The following NLRC4 variants were observed in gnomAD, a reference collection of about 807,000 sequenced individuals.
NLRC4 encodes the protein NLR family CARD domain containing 4.
Under a neutral mutation model 79.9 loss-of-function variants are expected in NLRC4, and 63 were observed. The observed-to-expected ratio is 0.79, with a 90% CI of 0.64 to 0.97. The LOEUF is 0.97. Ranked by LOEUF, NLRC4 falls within the 50% of genes least tolerant of loss-of-function variation. NLRC4 has a pLI of 0.00. For missense variants in NLRC4, 1,074 were observed against 1,215.2 expected (o/e 0.88, Z 1.73); for synonymous variants, 461 against 456.5 (o/e 1.01, Z -0.12).
chr2:32,232,998 G>A (rs939660899), intron 8 of NLRC4, among the ~76,000 whole-genome samples: 7 of 151,788 alleles, frequency 4.6e-5, no homozygotes, highest in Non-Finnish European at 7.4e-5. Context: ...TCTAGTCCCA[G>A]CTACTTGGGT....
intron 4 of NLRC4, among the ~76,000 whole-genome samples, chr2:32,243,190 C>T (rs1475380455): frequency 2.0e-5 from 3 of 151,960 alleles, no homozygotes; most frequent in Non-Finnish European, 4.4e-5. Flanking sequence ...GCAGGCAAAT[C>T]ACGAGGTCAG....
intron 4 of NLRC4, 65 bp from the exon 5 acceptor site, chr2:32,241,190 T>G: frequency 1.1e-6 from 1 of 951,404 alleles, no homozygotes; most frequent in South Asian, 1.4e-5. Flanking sequence ...TCATTTACTA[T>G]TACTGTCATT....
At chr2:32,244,691 A>G (rs1686888663) in intron 4 of NLRC4, among the ~76,000 whole-genome samples, 1 of 152,168 alleles carries the variant, frequency 6.6e-6, no homozygotes, top group South Asian at 2.1e-4. Flanking sequence ...AAACCCTTCT[A>G]AAACTGGCTG....
At chr2:32,244,020 C>T (rs976656365) in intron 4 of NLRC4, among the ~76,000 whole-genome samples, 1 of 152,128 alleles carries the variant, frequency 6.6e-6, no homozygotes, top group South Asian at 2.1e-4. Flanking sequence ...GAGGCCCAGG[C>T]GGGAAAATCT....
chr2:32,233,349 A>ATATATATATATATTT (rs1418146489), intron 8 of NLRC4, among the ~76,000 whole-genome samples: 10 of 41,094 alleles, frequency 2.4e-4, no homozygotes, highest in Admixed American at 3.9e-4. Flanking sequence ...ATATATATAT[A>ATATATATATATATTT]TTTTTTTTTT....
chr2:32,246,868 T>C (rs1686949632), intron 4 of NLRC4, among the ~76,000 whole-genome samples: 1 of 152,212 alleles, frequency 6.6e-6, no homozygotes, highest in Admixed American at 6.5e-5. Flanking sequence ...TGAAAATTCC[T>C]GGGCTCAAGT....
In NLRC4 at chr2:32,251,350, C is replaced by A; in HGVS notation, c.514G>T (p.Gly172Cys). The A allele has an allele frequency of 6.2e-7, 1 of 1,614,126 alleles. No individual in the cohort carries two copies. The highest frequency in any genetic ancestry group is 8.5e-7 in the Non-Finnish European group (1 of 1,180,024). Reference protein sequence around the residue: ...QSPCIIEGESGKGKSTLLQRI... With the variant: ...QSPCIIEGESCKGKSTLLQRI... The stretch of plus-strand genomic sequence containing the variant: ...TGCAGCAGAGTGGACTTGCCTTTGC[C>A]AGATTCCCCTTCAATGATGCAGGGG... The change falls in exon 4 of 9, where the codon GGC (glycine) becomes TGC (cysteine). Residue 172 changes from glycine (G) to cysteine (C), a missense_variant. Physicochemically the swap from Gly to Cys is radical, Grantham distance 159 (BLOSUM62 -3). Coordinates refer to ENST00000402280, the MANE Select transcript of NLRC4 (RefSeq NM_001199138.2).
chr2:32,251,092 A>G lies in NLRC4; in HGVS notation c.772T>C (p.Cys258Arg), dbSNP rs916856506. The G allele has an allele frequency of 1.9e-5, 30 of 1,613,994 alleles. No individual in the cohort carries two copies. Among genetic ancestry groups the G allele is most frequent in the Non-Finnish European group, 2.0e-5 (24 of 1,180,020 alleles). Residue 258 changes from cysteine (C) to arginine (R), a missense_variant, in exon 4 of 9, where the codon TGC (cysteine) becomes CGC (arginine). Physicochemically the swap from Cys to Arg is radical, Grantham distance 180 (BLOSUM62 -3). Transcript: ENST00000402280. ...TTTATCAGGGCTTCGATTTCTGGGC[A>G]GTTCTGGGGCTTGAATTCATTGTAG... is the stretch of plus-strand genomic sequence containing the variant. ...DGYNEFKPQNCPEIEALIKEN... is the reference protein window; with the variant it reads ...DGYNEFKPQNRPEIEALIKEN...
chr2:32,236,215 G>T (rs1416692364), intron 7 of NLRC4, 32 bp downstream of exon 7: 3 of 1,351,928 alleles, frequency 2.2e-6, no homozygotes, highest in African/African-American at 1.5e-5. Context: ...ACATATTCAA[G>T]TATCTAATTT....
At chr2:32,264,659 A>G (rs1395438705) in intron 1 of NLRC4, 79 bp downstream of exon 1, 1 of 152,046 alleles carries the variant, frequency 6.6e-6, no homozygotes, top group East Asian at 1.9e-4. Flanking sequence ...CCCAGACACA[A>G]GCTTTAAATG....
chr2:32,250,743 T>C lies in NLRC4; in HGVS notation c.1121A>G (p.Asn374Ser). ...HTFYDLLIQKNKHKHKGVAAS... is the reference protein window; with the variant it reads ...HTFYDLLIQKSKHKHKGVAAS... ...AGCCACACCTTTATGTTTGTGTTTG[T>C]TTTTCTGTATCAACAGATCATAGAA... Residue 374 changes from asparagine to serine, a missense_variant, in exon 4 of 9, where the codon AAC (asparagine) becomes AGC (serine). By Grantham distance (46) the Asn-to-Ser change is conservative. Coordinates refer to ENST00000402280, the MANE Select transcript of NLRC4 (RefSeq NM_001199138.2). This position sits in a 1 kb window ranked among gnomAD's most constrained non-coding sequence, Gnocchi z 4.9. 2 of 1,614,188 alleles carry C rather than the reference T, an allele frequency of 1.2e-6. No homozygotes were observed. Among genetic ancestry groups the C allele is most frequent in the Non-Finnish European group, 1.7e-6 (2 of 1,180,032 alleles).
chr2:32,257,445 A>G (rs1687233316), intron 1 of NLRC4, among the ~76,000 whole-genome samples: 1 of 151,942 alleles, frequency 6.6e-6, no homozygotes. Context: ...TGTCTCTATT[A>G]AAAATACAAA....
chr2:32,232,312 C>T (rs1181017771), intron 8 of NLRC4, among the ~76,000 whole-genome samples: 1 of 152,098 alleles, frequency 6.6e-6, no homozygotes, highest in South Asian at 2.1e-4. Flanking sequence ...TAAATATTTT[C>T]GTTGAAATTT....
intron 8 of NLRC4, among the ~76,000 whole-genome samples, chr2:32,226,479 A>AG (rs1294790293): frequency 1.4e-4 from 22 of 152,364 alleles, no homozygotes; most frequent in African/African-American, 4.8e-4. Flanking sequence ...AAGTGGGCAA[A>AG]GCCAGGTAAG....
intron 1 of NLRC4, among the ~76,000 whole-genome samples, chr2:32,263,484 T>A (rs1344579331): frequency 6.6e-6 from 1 of 152,202 alleles, no homozygotes; most frequent in Non-Finnish European, 1.5e-5. Flanking sequence ...CATGTTAATA[T>A]TAGTGTTATG....
At chr2:32,238,878 C>T (rs535014460) in intron 5 of NLRC4, among the ~76,000 whole-genome samples, 8 of 152,270 alleles carry the variant, frequency 5.3e-5, no homozygotes, top group African/African-American at 1.7e-4. Context: ...AAATATCCCC[C>T]GTTCTTAAGT....
chr2:32,238,203 C>T lies in NLRC4; in HGVS notation c.2450G>A (p.Ser817Asn), dbSNP rs1475354613. Residue 817 changes from serine (S) to asparagine (N), a missense_variant, in exon 6 of 9, where the codon AGT becomes AAT. Transcript: ENST00000402280. ...GMDYIVKSLS[S>N]EPCDLEEIQL... ...AATTTCTTCAAGGTCACAGGGTTCA[C>T]TTGACAGAGACTTGACTATGTAATC... 1.1e-5 allele frequency: 18 copies of T among 1,613,798 alleles called. No homozygotes were observed. Among genetic ancestry groups the T allele is most frequent in the Non-Finnish European group, 1.4e-5 (16 of 1,179,866 alleles).
chr2:32,255,169 C>A (rs906184556), intron 2 of NLRC4, among the ~76,000 whole-genome samples: 6 of 151,576 alleles, frequency 4.0e-5, no homozygotes, highest in African/African-American at 1.5e-4. Flanking sequence ...CCACATCATC[C>A]CTATGGAAGT....
intron 8 of NLRC4, 53 bp from the exon 9 acceptor site, chr2:32,224,818 A>AAAAAAGAG (rs539204086): frequency 9.3e-7 from 1 of 1,073,898 alleles, no homozygotes; most frequent in Admixed American, 2.6e-5. Flanking sequence ...TTTAAAAAAA[A>AAAAAAGAG]AGAGAAATAG....
Sources: gnomAD v4.1 joint callset for allele counts (sites outside exome capture counted in the v4.1 genomes callset) on GRCh38, gnomAD v4.1.1 for gene constraint, Gnocchi (gnomAD v3.1) non-coding constraint, MANE v1.5 for transcripts, NCBI Gene and HGNC (gene_info 2026-07-23, HGNC 2026-07-21) for gene names.